The following RSPO2 variants were observed in gnomAD, a reference collection of about 807,000 sequenced individuals.
RSPO2 encodes R-spondin-2.
In RSPO2, 14 loss-of-function variants were observed where a neutral mutation model predicts 30.9. That is an observed-to-expected ratio of 0.45 (90% CI 0.30 to 0.71). The LOEUF (loss-of-function observed/expected upper bound fraction) is 0.71, where lower values mean the gene tolerates loss of function less well. RSPO2 is among the 30% of genes least tolerant of loss of function. The probability of loss-of-function intolerance (pLI) is 0.08; values close to 1 mark genes in which losing one functional copy is unlikely to be tolerated. For missense variants in RSPO2, 264 were observed against 301.9 expected (o/e 0.87, Z 0.93); for synonymous variants, 107 against 96.4 (o/e 1.11, Z -0.64).
chr8:108,015,190 G>A (rs1436350282), intron 2 of RSPO2, among the ~76,000 whole-genome samples: 1 of 152,134 alleles, frequency 6.6e-6, no homozygotes, highest in Non-Finnish European at 1.5e-5. Context: ...TCACATTCTT[G>A]TGATGTATAT....
chr8:108,057,560 G>A (rs927428981), intron 2 of RSPO2, among the ~76,000 whole-genome samples: 1 of 151,912 alleles, frequency 6.6e-6, no homozygotes, highest in Non-Finnish European at 1.5e-5. Flanking sequence ...CTATGCAGGG[G>A]GTTATTACCA....
chr8:107,987,207 G>A (rs548243130), intron 3 of RSPO2, among the ~76,000 whole-genome samples: 1 of 151,628 alleles, frequency 6.6e-6, no homozygotes, highest in Non-Finnish European at 1.5e-5. Context: ...TAAAGCCTCC[G>A]CAATTTATTA....
At chr8:108,073,041 A>C (rs979953640) in intron 2 of RSPO2, 4 of 152,336 alleles carry the variant, frequency 2.6e-5, no homozygotes, top group South Asian at 2.1e-4. Flanking sequence ...ATGTTAATTA[A>C]ATCTGTAGCT....
At chr8:107,967,865 A>G (rs554346441) in intron 3 of RSPO2, among the ~76,000 whole-genome samples, 2 of 152,256 alleles carry the variant, frequency 1.3e-5, no homozygotes, top group South Asian at 2.1e-4. Flanking sequence ...ACCACTTACT[A>G]TTGTGTGACT....
intron 5 of RSPO2, among the ~76,000 whole-genome samples, chr8:107,908,343 G>A (rs117572437): frequency 0.012 from 1,763 of 152,230 alleles, 18 homozygotes; most frequent in Non-Finnish European, 0.018. Context: ...TTGAAGACAG[G>A]ATTCTGTGGT....
chr8:107,955,817 G>C (rs1422610814), intron 5 of RSPO2, among the ~76,000 whole-genome samples: 2 of 152,152 alleles, frequency 1.3e-5, no homozygotes, highest in Non-Finnish European at 2.9e-5. Flanking sequence ...GGCTGCGTTT[G>C]TGTGCAATCA....
In RSPO2 at chr8:107,900,209, TA is replaced by T. The variant is rs1811400655; in HGVS notation, c.*865del. The T allele has an allele frequency of 6.6e-6, 1 of 152,158 alleles. No homozygotes were observed. The highest frequency in any genetic ancestry group is 6.5e-5 in the Admixed American group (1 of 15,274). 9.4% of individuals were successfully genotyped at this position (152,158 alleles called of 1,614,324 possible). On this transcript the variant is annotated 3_prime_UTR_variant, in exon 6 of 6. Coordinates refer to ENST00000276659, the MANE Select transcript of RSPO2 (RefSeq NM_178565.5). ...GCCAGATGCCGCCTGCTGCTTTATC[TA>T]TATGTGTGGGACATGTGGAGTGGAG...
intron 3 of RSPO2, chr8:107,983,686 A>C: frequency 6.3e-7 from 1 of 1,594,570 alleles, no homozygotes; most frequent in Non-Finnish European, 8.6e-7. Context: ...AGAGAATTAA[A>C]GATTAAGGGA....
In RSPO2 at chr8:108,062,104, C is replaced by A. The variant is rs181668735; in HGVS notation, c.94+20441G>T. 2.0e-4 allele frequency among the ~76,000 whole-genome samples: 31 copies of A among 151,646 alleles called. 1 individual carries two copies. The highest frequency in any genetic ancestry group is 7.1e-4 in the African/African-American group (29 of 41,096). ...AGCAGGAAAGATCTAAAATTGACAC[C>A]CTAACATCACAATTAAAAGAACTAG... On this transcript the variant is annotated intron_variant, in intron 2 of 5. Transcript: ENST00000276659.
intron 5 of RSPO2, among the ~76,000 whole-genome samples, chr8:107,935,860 T>G (rs1479761457): frequency 6.6e-6 from 1 of 152,162 alleles, no homozygotes; most frequent in Non-Finnish European, 1.5e-5. Flanking sequence ...TATGGGTACA[T>G]CTGAATATTT....
In RSPO2 at chr8:107,900,308, C is replaced by T. The variant is rs895034346; in HGVS notation, c.*767G>A. On this transcript the variant is annotated 3_prime_UTR_variant, in exon 6 of 6. Transcript: ENST00000276659. ...ATATACAAAAACTAGTTTATCCTAC[C>T]CTTACAATGAGAAATAAGCCCACAA... 6.6e-6 allele frequency: 1 copy of T among 151,948 alleles called. No homozygotes were observed. Among genetic ancestry groups the T allele is most frequent in the Admixed American group, 6.6e-5 (1 of 15,250 alleles). 9.4% of individuals were successfully genotyped at this position (151,948 alleles called of 1,614,324 possible).
intron 2 of RSPO2, among the ~76,000 whole-genome samples, chr8:108,020,790 G>T (rs1385329872): frequency 6.6e-6 from 1 of 152,076 alleles, no homozygotes; most frequent in Non-Finnish European, 1.5e-5. Flanking sequence ...ACTTATAAGG[G>T]CTAAGGGCCA....
chr8:108,044,619 G>C (rs1811856680), intron 2 of RSPO2, among the ~76,000 whole-genome samples: 1 of 151,994 alleles, frequency 6.6e-6, no homozygotes, highest in South Asian at 2.1e-4. Context: ...CCATTGATGG[G>C]CATCTAGATT....
At chr8:108,065,718 G>T (rs899871329) in intron 2 of RSPO2, among the ~76,000 whole-genome samples, 1 of 151,512 alleles carries the variant, frequency 6.6e-6, no homozygotes, top group African/African-American at 2.4e-5. Flanking sequence ...TAATCTCTAG[G>T]CCCCTTCTTT....
chr8:107,982,721 C>T (rs761404557), intron 3 of RSPO2, among the ~76,000 whole-genome samples: 8 of 152,128 alleles, frequency 5.3e-5, no homozygotes, highest in Non-Finnish European at 1.2e-4. Context: ...TGAAATGGCT[C>T]ATATGAAGGT....
At chr8:107,921,044 G>C (rs1485847235) in intron 5 of RSPO2, among the ~76,000 whole-genome samples, 4 of 152,020 alleles carry the variant, frequency 2.6e-5, no homozygotes, top group African/African-American at 9.7e-5. Context: ...GGCAGAAAAG[G>C]ATGTTAGCAC....
In RSPO2 at chr8:107,901,041, CA is replaced by C. The variant is rs764665539; in HGVS notation, c.*33del. Reference sequence around the variant, plus strand: ...GTAGCTTTGTGCACATTTGCAAAAACAAAAACCCCTAAAAATCTACCGGATC... The same window carrying C: ...GTAGCTTTGTGCACATTTGCAAAAACAAAACCCCTAAAAATCTACCGGATC... On this transcript the variant is annotated 3_prime_UTR_variant, in exon 6 of 6. Transcript: ENST00000276659. The C allele has an allele frequency of 6.2e-7, 1 of 1,608,754 alleles. No homozygotes were observed. Among genetic ancestry groups the C allele is most frequent in the South Asian group, 1.1e-5 (1 of 89,918 alleles).
intron 4 of RSPO2, among the ~76,000 whole-genome samples, chr8:107,959,258 C>T (rs1359176328): frequency 1.3e-5 from 2 of 152,202 alleles, no homozygotes; most frequent in Non-Finnish European, 2.9e-5. Flanking sequence ...TTGTACATTA[C>T]TACAGTTTGA....
intron 2 of RSPO2, among the ~76,000 whole-genome samples, chr8:108,020,946 T>C (rs1364798514): frequency 6.6e-6 from 1 of 152,228 alleles, no homozygotes; most frequent in African/African-American, 2.4e-5. Flanking sequence ...TCCACTTCAG[T>C]ACTTGGTGTC....
Sources: allele counts gnomAD v4.1 joint callset (sites outside exome capture counted in the v4.1 genomes callset), GRCh38; gene constraint gnomAD v4.1.1; transcripts MANE v1.5; gene names NCBI Gene and HGNC (gene_info 2026-07-23, HGNC 2026-07-21).